ADAM29: variants seen among roughly 807,000 people sequenced by gnomAD.
The protein encoded by ADAM29 is ADAM metallopeptidase domain 29, also known as disintegrin and metalloproteinase domain-containing protein 29.
For synonymous variants in ADAM29, 367 were observed against 342.3 expected (o/e 1.07, Z -0.80); for missense variants, 969 against 1,001.8 (o/e 0.97, Z 0.44).
At chr4:174,927,541 AAATTT>A (rs1743590380) in intron 2 of ADAM29, among the ~76,000 whole-genome samples, 1 of 152,238 alleles carries the variant, frequency 6.6e-6, no homozygotes, top group African/African-American at 2.4e-5. Context: ...TCTAAGTAGT[AAATTT>A]TCTTTGGAAT....
intron 3 of ADAM29, among the ~76,000 whole-genome samples, chr4:174,934,951 A>T (rs935958984): frequency 6.6e-6 from 1 of 152,220 alleles, no homozygotes; most frequent in Non-Finnish European, 1.5e-5. Flanking sequence ...TTTAGTTCAT[A>T]TTATATTACC....
At chr4:174,926,889 A>G (rs1433673908) in intron 2 of ADAM29, among the ~76,000 whole-genome samples, 1 of 151,720 alleles carries the variant, frequency 6.6e-6, no homozygotes, top group East Asian at 1.9e-4. Context: ...TCTGACTTGC[A>G]TTTGGCATAT....
chr4:174,935,444 C>T (rs1013461584), intron 3 of ADAM29, among the ~76,000 whole-genome samples: 2 of 152,080 alleles, frequency 1.3e-5, no homozygotes, highest in Admixed American at 6.6e-5. Flanking sequence ...CAGAGATCTT[C>T]ATCAAGTTAA....
Position 174,977,558 on chromosome 4 carries a change from A to T in ADAM29, c.2033A>T (p.Tyr678Phe), listed in dbSNP as rs750561912. The change falls in exon 5 of 5, where the codon TAT becomes TTT. Residue 678 changes from tyrosine to phenylalanine, a missense_variant. Coordinates refer to ENST00000359240, the MANE Select transcript of ADAM29 (RefSeq NM_014269.4). ...PKRKKKKKFC[Y>F]LCILLLIVLF... ...AGAAAGAAGAAAAAGAAGTTCTGTT[A>T]TCTGTGTATATTGTTGCTTATTGTT... 1 of 1,614,104 alleles carries T rather than the reference A, an allele frequency of 6.2e-7. No individual in the cohort carries two copies.
intron 3 of ADAM29, among the ~76,000 whole-genome samples, chr4:174,935,106 A>C (rs1270119564): frequency 1.3e-5 from 2 of 152,096 alleles, no homozygotes; most frequent in African/African-American, 4.8e-5. Flanking sequence ...CAGTGTTATA[A>C]ATTTTTTACC....
At chr4:174,936,429 T>C (rs1744205324) in intron 3 of ADAM29, among the ~76,000 whole-genome samples, 2 of 151,978 alleles carry the variant, frequency 1.3e-5, no homozygotes, top group Admixed American at 6.6e-5. Context: ...TTTTACGAAG[T>C]TTACTACTTT....
At chr4:174,931,990 G>T (rs943988162) in intron 3 of ADAM29, among the ~76,000 whole-genome samples, 1 of 151,474 alleles carries the variant, frequency 6.6e-6, no homozygotes, top group Non-Finnish European at 1.5e-5. Flanking sequence ...TATTTTTATT[G>T]AAATGACAAT....
intron 4 of ADAM29, among the ~76,000 whole-genome samples, chr4:174,939,368 A>G (rs1744394100): frequency 6.6e-6 from 1 of 152,326 alleles, no homozygotes; most frequent in Non-Finnish European, 1.5e-5. Context: ...GAAATCATCT[A>G]GAATAAGGAA....
At position 174,977,725 on chromosome 4, in the gene ADAM29, C is replaced by A. The variant is rs138923714; in HGVS notation, c.2200C>A (p.Pro734Thr). The A allele has an allele frequency of 2.4e-5, 38 of 1,613,646 alleles. No individual in the cohort carries two copies. The African/African-American group carries it at 3.9e-4, about 16-fold the overall frequency. Residue 734 changes from proline (P) to threonine (T), a missense_variant, in exon 5 of 5, where the codon CCT becomes ACT. Coordinates refer to ENST00000359240, the MANE Select transcript of ADAM29 (RefSeq NM_014269.4). Reference protein sequence around the residue: ...RPHELPPQSQPWVMPSQSQPP... With the variant: ...RPHELPPQSQTWVMPSQSQPP... ...TCATGAGTTACCTCCCCAGAGTCAACCTTGGGTGATGCCTTCCCAGAGTCA... is the reference window on the plus strand; with the variant it reads ...TCATGAGTTACCTCCCCAGAGTCAAACTTGGGTGATGCCTTCCCAGAGTCA...
intron 2 of ADAM29, among the ~76,000 whole-genome samples, chr4:174,927,610 C>CAA (rs1743593993): frequency 6.6e-6 from 1 of 152,148 alleles, no homozygotes; most frequent in African/African-American, 2.4e-5. Context: ...TCCTTGTTTG[C>CAA]ATACAAATTG....
At chr4:174,941,129 G>T (rs1051955623) in intron 4 of ADAM29, among the ~76,000 whole-genome samples, 13 of 152,186 alleles carry the variant, frequency 8.5e-5, no homozygotes, top group Middle Eastern at 3.4e-3. Context: ...ATTATAGATG[G>T]TATAAAAAAG....
At chr4:174,944,097 T>C (rs1252132756) in intron 4 of ADAM29, among the ~76,000 whole-genome samples, 1 of 151,786 alleles carries the variant, frequency 6.6e-6, no homozygotes, top group African/African-American at 2.4e-5. Context: ...AAATTATAAT[T>C]AACAGTTATA....
chr4:174,924,739 T>C (rs1310585717), intron 2 of ADAM29, among the ~76,000 whole-genome samples: 1 of 152,194 alleles, frequency 6.6e-6, no homozygotes, highest in East Asian at 1.9e-4. Context: ...ATTTCAGTTA[T>C]ATGAGATTTT....
intron 2 of ADAM29, among the ~76,000 whole-genome samples, 151 bp from the exon 3 acceptor site, chr4:174,930,835 T>C (rs1743820042): frequency 6.6e-6 from 1 of 152,208 alleles, no homozygotes; most frequent in African/African-American, 2.4e-5. Flanking sequence ...TGATTGTTTT[T>C]CCATGTACTT....
Position 174,977,235 on chromosome 4 carries a change from T to G in ADAM29, c.1710T>G (p.Thr570=). Residue 570 remains threonine, a synonymous_variant, in exon 5 of 5, where the codon ACT becomes ACG. Transcript: ENST00000359240. ...TTCCCAATATGAGTGATCATACTAC[T>G]GTGCATTGGGCTCGCTTCAATGACA... The part of the protein sequence containing the change: ...TEIPNMSDHT[T]VHWARFNDIM... 1.2e-6 allele frequency: 2 copies of G among 1,614,122 alleles called. No individual in the cohort carries two copies. The highest frequency in any genetic ancestry group is 1.7e-6 in the Non-Finnish European group (2 of 1,180,036).
intron 4 of ADAM29, among the ~76,000 whole-genome samples, chr4:174,966,088 C>T (rs1560888424): frequency 1.3e-5 from 2 of 152,200 alleles, no homozygotes; most frequent in African/African-American, 4.8e-5. Flanking sequence ...TACTTTAAAT[C>T]ATCTCTAGAT....
At chr4:174,922,119 G>C (rs2110890453) in intron 2 of ADAM29, among the ~76,000 whole-genome samples, 1 of 152,228 alleles carries the variant, frequency 6.6e-6, no homozygotes. Flanking sequence ...ATGAAGACAA[G>C]TTTAAATCAT....
chr4:174,950,535 A>G (rs1445642937), intron 4 of ADAM29, among the ~76,000 whole-genome samples: 1 of 152,186 alleles, frequency 6.6e-6, no homozygotes, highest in Non-Finnish European at 1.5e-5. Context: ...AACTATTGCT[A>G]TATGTAACTT....
intron 4 of ADAM29, among the ~76,000 whole-genome samples, chr4:174,950,150 C>G (rs1363093197): frequency 1.3e-5 from 2 of 152,026 alleles, no homozygotes; most frequent in African/African-American, 4.8e-5. Context: ...CTTTTCAAAC[C>G]TCTTCTTTTC....
Sources: allele counts gnomAD v4.1 joint callset (sites outside exome capture counted in the v4.1 genomes callset), GRCh38; gene constraint gnomAD v4.1.1; transcripts MANE v1.5; gene names NCBI Gene and HGNC (gene_info 2026-07-23, HGNC 2026-07-21).